Variants in SCN3B observed in about 807,000 individuals in gnomAD.
SCN3B encodes the protein sodium channel regulatory subunit beta-3.
Under a neutral mutation model 25.4 loss-of-function variants are expected in SCN3B, and 11 were observed. The observed-to-expected ratio is 0.43, with a 90% CI of 0.27 to 0.72. The LOEUF (loss-of-function observed/expected upper bound fraction) is 0.72. Among genes scored for constraint, SCN3B ranks in the 30% least tolerant of loss-of-function variants. The probability of loss-of-function intolerance (pLI) is 0.18; values close to 1 mark genes in which losing one functional copy is unlikely to be tolerated. For missense variants in SCN3B, 218 were observed against 278.3 expected (o/e 0.78, Z 1.54); for synonymous variants, 109 against 110.7 (o/e 0.99, Z 0.09).
chr11:123,640,704 G>C (rs1173080632), intron 4 of SCN3B: 1 of 151,948 alleles, frequency 6.6e-6, no homozygotes, highest in Non-Finnish European at 1.5e-5. Context: ...CAAAAAGAGG[G>C]GCACCAGAGC....
chr11:123,641,847 T>G (rs1358766922), intron 4 of SCN3B, among the ~76,000 whole-genome samples: 3 of 152,056 alleles, frequency 2.0e-5, no homozygotes, highest in Non-Finnish European at 2.9e-5. Flanking sequence ...AAAAAAAGAT[T>G]GTCAAACTTT....
chr11:123,652,973 T>C (rs981005667), intron 2 of SCN3B, among the ~76,000 whole-genome samples: 4 of 152,154 alleles, frequency 2.6e-5, no homozygotes, highest in African/African-American at 9.7e-5. Context: ...TCTCTGACAC[T>C]CTCTTCAGCC....
In SCN3B at chr11:123,642,052, A is replaced by C. The variant is rs543896259; in HGVS notation, c.445+394T>G. Among the ~76,000 whole-genome samples the C allele has an allele frequency of 2.3e-3, 343 of 152,282 alleles. 1 individual carries two copies. The highest frequency in any genetic ancestry group is 7.1e-3 in the African/African-American group (295 of 41,560). The stretch of plus-strand genomic sequence containing the variant: ...AGAGGCATGTATTGCTTACAGGTAG[A>C]AGGAGAGATGACTTCCGGGTAACCT... On this transcript the variant is annotated intron_variant, in intron 4 of 6. Coordinates refer to ENST00000299333, the MANE Select transcript of SCN3B (RefSeq NM_001040151.2). The surrounding 1 kb of genome is among the most constrained non-coding windows in gnomAD (Gnocchi z 4.3).
intron 5 of SCN3B, among the ~76,000 whole-genome samples, chr11:123,636,855 G>A (rs948311607): frequency 5.3e-5 from 8 of 152,012 alleles, no homozygotes; most frequent in East Asian, 1.9e-4. Flanking sequence ...CACCATGCCC[G>A]GCTAATTTTT....
Position 123,645,676 on chromosome 11 carries a change from G to T in SCN3B, c.130C>A (p.Arg44Ser). The change falls in exon 3 of 7, where the codon CGC becomes AGC. Residue 44 changes from arginine (R) to serine (S), a missense_variant. By Grantham distance (110) the Arg-to-Ser change is moderately radical. Transcript: ENST00000299333. ...EAVQGNPMKLRCISCMKREEV... is the reference protein window; with the variant it reads ...EAVQGNPMKLSCISCMKREEV... Reference sequence around the variant, plus strand: ...TCTCTCTTCATGCAGGAGATGCAGCGCAGCTTCATGGGGTTGCCCTGCACG... The same window carrying T: ...TCTCTCTTCATGCAGGAGATGCAGCTCAGCTTCATGGGGTTGCCCTGCACG... The T allele has an allele frequency of 6.2e-7, 1 of 1,614,034 alleles. No individual in the cohort carries two copies. Among genetic ancestry groups the T allele is most frequent in the Admixed American group, 1.7e-5 (1 of 60,000 alleles).
At chr11:123,637,112 C>A (rs1955736678) in intron 5 of SCN3B, among the ~76,000 whole-genome samples, 1 of 152,184 alleles carries the variant, frequency 6.6e-6, no homozygotes, top group Non-Finnish European at 1.5e-5. Context: ...CCCCAGACAA[C>A]CAGCCAGCAT....
intron 3 of SCN3B, among the ~76,000 whole-genome samples, chr11:123,644,766 TGAGAGAGAGAGAGA>T (rs371690210): frequency 1.1e-5 from 1 of 94,666 alleles, no homozygotes; most frequent in Non-Finnish European, 2.2e-5. Flanking sequence ...GAGACCCCGT[TGAGAGAGAGAGAGA>T]GAGAGAGAGA....
intron 2 of SCN3B, among the ~76,000 whole-genome samples, chr11:123,647,269 G>A (rs1012039206): frequency 6.6e-6 from 1 of 151,838 alleles, no homozygotes; most frequent in Non-Finnish European, 1.5e-5. Context: ...TGATGTTAGG[G>A]GTCTGAGACA....
chr11:123,651,563 C>T (rs553259144), intron 2 of SCN3B, among the ~76,000 whole-genome samples: 38 of 152,244 alleles, frequency 2.5e-4, no homozygotes, highest in South Asian at 2.5e-3. Context: ...GGGGTTTCGC[C>T]GTGTTGGCCA....
chr11:123,653,657 T>C (rs751801413), intron 2 of SCN3B, 90 bp downstream of exon 2: 2 of 1,458,774 alleles, frequency 1.4e-6, no homozygotes, highest in Non-Finnish European at 1.9e-6. Flanking sequence ...CAGCCAGAGC[T>C]CTTTTCTGTC....
intron 2 of SCN3B, among the ~76,000 whole-genome samples, chr11:123,651,897 G>C (rs73031649): frequency 0.16 from 23,905 of 152,114 alleles, 1,974 homozygotes; most frequent in Admixed American, 0.22. Flanking sequence ...TTCATCTGTG[G>C]AGCTGAAAAG....
chr11:123,653,912 G>A (rs1955962227), intron 1 of SCN3B, 86 bp from the exon 2 acceptor site: 7 of 1,273,778 alleles, frequency 5.5e-6, no homozygotes, highest in Admixed American at 1.7e-5. Context: ...CCCCCAGGGG[G>A]CGACTTTCTG....
In SCN3B at chr11:123,642,818, TG is replaced by T. The variant is rs72552180; in HGVS notation, c.220-148del. On this transcript the variant is annotated intron_variant, in intron 3 of 6. Coordinates refer to ENST00000299333, the MANE Select transcript of SCN3B (RefSeq NM_001040151.2). This position sits in a 1 kb window ranked among gnomAD's most constrained non-coding sequence, Gnocchi z 4.3. ...CAATGCCACCGGGAGACCCAGAATGTGGGGGTGGGATGAAGAGGCACAGAGG... is the reference window on the plus strand; with the variant it reads ...CAATGCCACCGGGAGACCCAGAATGTGGGGTGGGATGAAGAGGCACAGAGG... 2.8e-3 allele frequency: 1,969 copies of T among 712,710 alleles called. 28 individuals carry two copies. The African/African-American group carries it at 0.031, about 11-fold the overall frequency. The allele number at this position is 712,710 out of a possible 1,614,324, so 44.1% of individuals were successfully genotyped here. A position where few individuals can be genotyped will look rare whatever the true frequency, so the allele number is the denominator to read the frequency against.
chr11:123,651,450 A>T (rs12803580), intron 2 of SCN3B, among the ~76,000 whole-genome samples: 2 of 151,702 alleles, frequency 1.3e-5, no homozygotes, highest in Non-Finnish European at 2.9e-5. Context: ...TGCAACCTCC[A>T]CCTCCCAGGT....
At chr11:123,650,183 A>T (rs1285485082) in intron 2 of SCN3B, among the ~76,000 whole-genome samples, 1 of 143,670 alleles carries the variant, frequency 7.0e-6, no homozygotes, top group Non-Finnish European at 1.6e-5. Flanking sequence ...ATTTATGAGA[A>T]GGAAAAACAT....
Position 123,642,339 on chromosome 11 carries a change from A to G in SCN3B, c.445+107T>C, listed in dbSNP as rs1286657893. On this transcript the variant is annotated intron_variant, in intron 4 of 6. Coordinates refer to ENST00000299333, the MANE Select transcript of SCN3B (RefSeq NM_001040151.2). The surrounding 1 kb of genome is among the most constrained non-coding windows in gnomAD (Gnocchi z 4.3). ...TTTTAGATGTCACCATTCCAAATACATGGGTTTTTGCACTCTTTAAGGGCC... is the reference window on the plus strand; with the variant it reads ...TTTTAGATGTCACCATTCCAAATACGTGGGTTTTTGCACTCTTTAAGGGCC... 6.7e-6 allele frequency: 7 copies of G among 1,043,792 alleles called. No individual in the cohort carries two copies. The highest frequency in any genetic ancestry group is 1.6e-5 in the African/African-American group (1 of 63,734). The allele number at this position is 1,043,792 out of a possible 1,614,324, so 64.7% of individuals were successfully genotyped here.
Position 123,642,571 on chromosome 11 carries a change from AC to A in SCN3B, c.319del (p.Val107CysfsTer6). 4.3e-6 allele frequency: 7 copies of A among 1,614,174 alleles called. No homozygotes were observed. Among genetic ancestry groups the A allele is most frequent in the Non-Finnish European group, 5.9e-6 (7 of 1,180,030 alleles). On this transcript the variant is annotated frameshift_variant, in exon 4 of 7. Coordinates refer to ENST00000299333, the MANE Select transcript of SCN3B (RefSeq NM_001040151.2). LOFTEE classifies it high-confidence loss of function. The surrounding 1 kb of genome is among the most constrained non-coding windows in gnomAD (Gnocchi z 4.3). ...SKDLQDVSITVLNVTLNDSGL... is the reference protein window; with the variant it reads ...SKDLQDVSITXLNVTLNDSGL... The stretch of plus-strand genomic sequence containing the variant: ...AGAGTCGTTCAGAGTGACGTTGAGC[AC>A]AGTGATGGACACGTCCTGCAGGTCC...
chr11:123,644,156 T>G, intron 3 of SCN3B, among the ~76,000 whole-genome samples: 1 of 152,216 alleles, frequency 6.6e-6, no homozygotes, highest in East Asian at 1.9e-4. Flanking sequence ...AGTTATTAAC[T>G]TAACTTCTTT....
In SCN3B at chr11:123,654,339, C is replaced by T. The variant is rs72552194; in HGVS notation, c.-139G>A. ...CTGGGCGTGACCCCACTCCCGAAGCCGCCGGGGCCGCCCGTCTGGGCTACA... is the reference window on the plus strand; with the variant it reads ...CTGGGCGTGACCCCACTCCCGAAGCTGCCGGGGCCGCCCGTCTGGGCTACA... On this transcript the variant is annotated 5_prime_UTR_variant, in exon 1 of 7. Coordinates refer to ENST00000299333, the MANE Select transcript of SCN3B (RefSeq NM_001040151.2). The T allele has an allele frequency of 1.3e-4, 21 of 161,560 alleles. No homozygotes were observed. The highest frequency in any genetic ancestry group is 2.7e-4 in the Non-Finnish European group (20 of 72,950). 10.0% of individuals were successfully genotyped at this position (161,560 alleles called of 1,614,324 possible). A position where few individuals can be genotyped will look rare whatever the true frequency, so the allele number is the denominator to read the frequency against.
Sources: allele counts gnomAD v4.1 joint callset (sites outside exome capture counted in the v4.1 genomes callset), GRCh38; gene constraint gnomAD v4.1.1; non-coding constraint Gnocchi (gnomAD v3.1); transcripts MANE v1.5; gene names NCBI Gene and HGNC (gene_info 2026-07-23, HGNC 2026-07-21).